Variants in TIPIN observed in about 807,000 individuals in gnomAD.
The protein encoded by TIPIN is TIMELESS-interacting protein.
TIPIN carries 29 observed loss-of-function variants against 35.6 expected under a neutral mutation model. That is an observed-to-expected ratio of 0.82 (90% CI 0.61 to 1.11). The LOEUF is 1.11. Ranked by LOEUF, TIPIN falls within the 50% of genes most tolerant of loss-of-function variation. The pLI is 0.00. For synonymous variants in TIPIN, 102 were observed against 121.5 expected, an observed-to-expected ratio of 0.84 and a Z score of 1.06; for missense variants, 296 against 345.4, an observed-to-expected ratio of 0.86 and a Z score of 1.13.
intron 1 of TIPIN, among the ~76,000 whole-genome samples, chr15:66,385,374 G>C (rs1411358822): frequency 6.6e-6 from 1 of 152,194 alleles, no homozygotes; most frequent in Non-Finnish European, 1.5e-5. Flanking sequence ...TTTTAGGATG[G>C]GAAAGGGGAA....
intron 7 of TIPIN, 146 bp from the exon 8 acceptor site, chr15:66,337,327 TC>T (rs779771652): frequency 0.019 from 8,853 of 463,654 alleles, 21 homozygotes; most frequent in East Asian, 0.028. Flanking sequence ...TCTAAATATA[TC>T]TTTTTTTTTT....
chr15:66,344,925 C>A (rs975698359), intron 6 of TIPIN, among the ~76,000 whole-genome samples: 7 of 152,130 alleles, frequency 4.6e-5, no homozygotes, highest in Non-Finnish European at 1.0e-4. Context: ...GCATGAAATT[C>A]ATTTACTGCA....
intron 6 of TIPIN, among the ~76,000 whole-genome samples, chr15:66,348,029 A>G (rs1460633828): frequency 1.6e-5 from 2 of 124,674 alleles, no homozygotes; most frequent in Admixed American, 8.5e-5. Flanking sequence ...TTTTTTCCAG[A>G]CAAGGTCTCT....
At chr15:66,352,774 C>T in intron 2 of TIPIN, 41 bp downstream of exon 2, 1 of 1,561,428 alleles carries the variant, frequency 6.4e-7, no homozygotes, top group Non-Finnish European at 8.7e-7. Context: ...AGCCACCGTG[C>T]CTGGCCTCAC....
intron 6 of TIPIN, among the ~76,000 whole-genome samples, chr15:66,348,529 A>T (rs963128450): frequency 1.5e-4 from 22 of 150,904 alleles, no homozygotes; most frequent in African/African-American, 5.1e-4. Flanking sequence ...AAAAAAAAAA[A>T]ATACAAAAAT....
chr15:66,347,262 G>A (rs779264126), intron 6 of TIPIN: 2 of 518,640 alleles, frequency 3.9e-6, no homozygotes, highest in South Asian at 1.4e-5. Context: ...CTGTCGGCAG[G>A]AACCATCTGT....
intron 1 of TIPIN, among the ~76,000 whole-genome samples, chr15:66,353,965 A>T (rs988249403): frequency 5.9e-5 from 9 of 152,030 alleles, no homozygotes; most frequent in Non-Finnish European, 8.8e-5. Flanking sequence ...CTAAAAATAT[A>T]AAAAAAATTT....
rs1465827342 is a variant in TIPIN at position 66,356,682 on chromosome 15, G to A, written c.-52C>T. The A allele has an allele frequency of 1.0e-6, 1 of 985,444 alleles. No homozygotes were observed. Among genetic ancestry groups the A allele is most frequent in the Non-Finnish European group, 1.2e-6 (1 of 830,034 alleles). 61.0% of individuals were successfully genotyped at this position (985,444 alleles called of 1,614,324 possible). Reference sequence around the variant, plus strand: ...GACACAGCGCGGACCTCGGCGTGCAGACTAAGCGCGCTTCTCGCGATACTC... The same window carrying A: ...GACACAGCGCGGACCTCGGCGTGCAAACTAAGCGCGCTTCTCGCGATACTC... On this transcript the variant is annotated 5_prime_UTR_variant, in exon 1 of 8. Coordinates refer to ENST00000261881, the MANE Select transcript of TIPIN (RefSeq NM_017858.3).
chr15:66,383,100 T>G, intron 1 of TIPIN: 3 of 550,814 alleles, frequency 5.4e-6, no homozygotes, highest in South Asian at 8.0e-5. Context: ...TCATAATATT[T>G]CAATATTAAA....
intron 1 of TIPIN, among the ~76,000 whole-genome samples, chr15:66,381,399 C>T (rs551096570): frequency 1.3e-5 from 2 of 152,058 alleles, no homozygotes; most frequent in South Asian, 2.1e-4. Context: ...AATTGCGCCA[C>T]GGCACTCCAG....
intron 4 of TIPIN, among the ~76,000 whole-genome samples, chr15:66,350,362 G>C (rs1280288043): frequency 6.6e-6 from 1 of 151,070 alleles, no homozygotes; most frequent in African/African-American, 2.4e-5. Flanking sequence ...TCCCAGCACT[G>C]TGGGAGGCCG....
chr15:66,374,619 G>T (rs2093289508), intron 1 of TIPIN, among the ~76,000 whole-genome samples: 1 of 151,644 alleles, frequency 6.6e-6, no homozygotes, highest in African/African-American at 2.4e-5. Flanking sequence ...CGTTCTTGTT[G>T]CCCAGGCTGG....
chr15:66,337,140 C>T lies in TIPIN; in HGVS notation c.724G>A (p.Val242Ile). The change falls in exon 8 of 8, where the codon GTT becomes ATT. Residue 242 changes from valine to isoleucine, a missense_variant. Val to Ile is a conservative substitution (Grantham distance 29, BLOSUM62 3). Transcript: ENST00000261881. Reference protein sequence around the residue: ...NTPRAHTVEEVNTDEDQKEES... With the variant: ...NTPRAHTVEEINTDEDQKEES... ...TCCTTTTGATCCTCATCAGTATTAA[C>T]CTCTTCAACCGTGTGTGCCCTGGGT... The T allele has an allele frequency of 6.2e-7, 1 of 1,613,978 alleles. No individual in the cohort carries two copies. The highest frequency in any genetic ancestry group is 1.3e-5 in the African/African-American group (1 of 75,018).
At chr15:66,348,965 A>G in intron 6 of TIPIN, 95 bp downstream of exon 6, 6 of 953,804 alleles carry the variant, frequency 6.3e-6, no homozygotes, top group Non-Finnish European at 9.6e-6. Flanking sequence ...ACAAAAAAGC[A>G]AAGCGCTGGG....
chr15:66,384,317 C>G (rs1160969920), intron 1 of TIPIN, among the ~76,000 whole-genome samples: 1 of 150,844 alleles, frequency 6.6e-6, no homozygotes, highest in Non-Finnish European at 1.5e-5. Flanking sequence ...ATTTTTGAGA[C>G]AGAGTCTTGC....
chr15:66,372,897 C>T lies in TIPIN; in HGVS notation c.-9+13710G>A, dbSNP rs115618608. On this transcript the variant is annotated intron_variant, in intron 1 of 7. Coordinates refer to the TIPIN transcript ENST00000562124. ...CAGCCTGGGTGACAGAGCAAGACCC[C>T]GTCTTGGGGAAAAAAAAAAAAGATT... Among the ~76,000 whole-genome samples, 869 of 151,450 alleles carry T rather than the reference C, an allele frequency of 5.7e-3. 9 individuals are homozygous for T. The highest frequency in any genetic ancestry group is 0.02 in the African/African-American group (815 of 41,264).
chr15:66,367,271 T>C lies in TIPIN; in HGVS notation c.-8-14316A>G, dbSNP rs2093259984. Among the ~76,000 whole-genome samples the C allele has an allele frequency of 3.3e-5, 5 of 151,328 alleles. No individual in the cohort carries two copies. The Admixed American group carries it at 3.3e-4, about 10-fold the overall frequency. On this transcript the variant is annotated intron_variant, in intron 1 of 7. Transcript: ENST00000562124. ...ATCTATATATCTATATCTATATCTA[T>C]AGATATATATCTGTTGATGTTTTTG...
intron 1 of TIPIN, among the ~76,000 whole-genome samples, chr15:66,383,808 A>G (rs867923872): frequency 1.3e-5 from 2 of 152,122 alleles, no homozygotes; most frequent in Non-Finnish European, 2.9e-5. Context: ...ATAACATTGT[A>G]TTTTATTTGC....
At chr15:66,384,327 C>T (rs1293003564) in intron 1 of TIPIN, among the ~76,000 whole-genome samples, 15 of 125,990 alleles carry the variant, frequency 1.2e-4, no homozygotes, top group South Asian at 2.6e-4. Flanking sequence ...CAGAGTCTTG[C>T]TCTGTTGCCC....
Sources: allele counts gnomAD v4.1 joint callset (sites outside exome capture counted in the v4.1 genomes callset), GRCh38; gene constraint gnomAD v4.1.1; transcripts MANE v1.5; gene names NCBI Gene and HGNC (gene_info 2026-07-23, HGNC 2026-07-21).